TMEFF2: variants seen among roughly 807,000 people sequenced by gnomAD.
TMEFF2 encodes transmembrane protein with EGF like and two follistatin like domains 2, also known as tomoregulin-2.
TMEFF2 carries 28 observed loss-of-function variants against 53.8 expected under a neutral mutation model. That is an observed-to-expected ratio of 0.52 (90% confidence interval 0.39 to 0.71). TMEFF2 has a LOEUF of 0.71. Among genes scored for constraint, TMEFF2 ranks in the 30% least tolerant of loss-of-function variants. The pLI is 0.00. For missense variants in TMEFF2, 353 were observed against 455.2 expected, an observed-to-expected ratio of 0.78 and a Z score of 2.04; for synonymous variants, 162 against 166.3, an observed-to-expected ratio of 0.97 and a Z score of 0.20.
chr2:191,991,285 G>A (rs1686098844), intron 7 of TMEFF2, among the ~76,000 whole-genome samples: 4 of 152,022 alleles, frequency 2.6e-5, no homozygotes, highest in African/African-American at 7.2e-5. Context: ...GTAATTGTAC[G>A]AGTCCATAAA....
intron 4 of TMEFF2, among the ~76,000 whole-genome samples, chr2:192,137,752 C>G (rs1690044696): frequency 6.7e-6 from 1 of 148,638 alleles, no homozygotes; most frequent in Non-Finnish European, 1.5e-5. Context: ...TATATATCTA[C>G]TTATATATAT....
intron 5 of TMEFF2, among the ~76,000 whole-genome samples, chr2:192,006,191 T>C (rs1686497559): frequency 6.6e-6 from 1 of 152,042 alleles, no homozygotes; most frequent in African/African-American, 2.4e-5. Flanking sequence ...CAGGCTCATC[T>C]TGCACGTGGA....
chr2:191,974,476 T>C (rs1193181183), intron 7 of TMEFF2, among the ~76,000 whole-genome samples: 1 of 152,134 alleles, frequency 6.6e-6, no homozygotes, highest in Admixed American at 6.5e-5. Context: ...TATTGGCTTT[T>C]TTGCTATAAA....
intron 5 of TMEFF2, among the ~76,000 whole-genome samples, chr2:192,046,919 T>A (rs1299481436): frequency 6.6e-6 from 1 of 152,040 alleles, no homozygotes; most frequent in East Asian, 1.9e-4. Flanking sequence ...CTGTTTTTTT[T>A]TTTTTAATTT....
chr2:192,152,510 C>T (rs1225200938), intron 4 of TMEFF2, among the ~76,000 whole-genome samples: 1 of 151,896 alleles, frequency 6.6e-6, no homozygotes, highest in African/African-American at 2.4e-5. Flanking sequence ...TAATGAGTGG[C>T]CCCAAGGGGG....
intron 4 of TMEFF2, among the ~76,000 whole-genome samples, chr2:192,070,226 T>C (rs1688264695): frequency 6.6e-6 from 1 of 151,552 alleles, no homozygotes; most frequent in Non-Finnish European, 1.5e-5. Context: ...ATAAAGCATA[T>C]TGGTAACAAT....
At chr2:191,960,339 G>A (rs144036069) in intron 7 of TMEFF2, among the ~76,000 whole-genome samples, 3 of 152,070 alleles carry the variant, frequency 2.0e-5, no homozygotes, top group South Asian at 2.1e-4. Flanking sequence ...AAAATAATTC[G>A]ACTTCTATGT....
At chr2:192,054,876 A>G (rs966446597) in intron 5 of TMEFF2, among the ~76,000 whole-genome samples, 3 of 152,156 alleles carry the variant, frequency 2.0e-5, no homozygotes, top group Admixed American at 2.0e-4. Context: ...TCCTATGGCT[A>G]TTTTGAAGAT....
intron 4 of TMEFF2, among the ~76,000 whole-genome samples, chr2:192,062,870 G>A (rs961751274): frequency 2.0e-5 from 3 of 151,634 alleles, no homozygotes; most frequent in Non-Finnish European, 1.5e-5. Flanking sequence ...GCTGAAAATT[G>A]TTCCCACGTC....
At chr2:192,144,867 A>G (rs1376669828) in intron 4 of TMEFF2, among the ~76,000 whole-genome samples, 1 of 151,970 alleles carries the variant, frequency 6.6e-6, no homozygotes, top group Non-Finnish European at 1.5e-5. Flanking sequence ...CTTCTGATAA[A>G]ATGATTAAAG....
intron 4 of TMEFF2, among the ~76,000 whole-genome samples, chr2:192,124,423 A>T (rs1448737651): frequency 6.6e-6 from 1 of 152,194 alleles, no homozygotes; most frequent in Non-Finnish European, 1.5e-5. Flanking sequence ...TACAGAAGAC[A>T]TTCTAATGGG....
chr2:192,060,391 A>C (rs928466034), intron 4 of TMEFF2, among the ~76,000 whole-genome samples: 1 of 152,166 alleles, frequency 6.6e-6, no homozygotes, highest in African/African-American at 2.4e-5. Flanking sequence ...AAAGAATAGC[A>C]CTGTGTTTTT....
At chr2:192,184,246 A>T (rs1227094518) in intron 3 of TMEFF2, 108 bp downstream of exon 3, 35 of 1,333,928 alleles carry the variant, frequency 2.6e-5, no homozygotes, top group East Asian at 2.1e-4. Flanking sequence ...CGGCTTGTCT[A>T]GTCAACATAT....
intron 8 of TMEFF2, among the ~76,000 whole-genome samples, chr2:191,955,087 G>A (rs1054979948): frequency 1.5e-5 from 2 of 137,480 alleles, no homozygotes; most frequent in African/African-American, 5.4e-5. Context: ...GCCTGTGCTA[G>A]TATATTTTGT....
At chr2:192,060,323 A>G (rs1688014132) in intron 4 of TMEFF2, among the ~76,000 whole-genome samples, 1 of 152,154 alleles carries the variant, frequency 6.6e-6, no homozygotes, top group Non-Finnish European at 1.5e-5. Flanking sequence ...CAGGTTCTGC[A>G]TTTCTTACAA....
At chr2:192,157,989 A>T (rs976129998) in intron 4 of TMEFF2, among the ~76,000 whole-genome samples, 1 of 151,996 alleles carries the variant, frequency 6.6e-6, no homozygotes, top group Non-Finnish European at 1.5e-5. Context: ...TACCTGTTTT[A>T]GTCTACCAGT....
intron 4 of TMEFF2, among the ~76,000 whole-genome samples, chr2:192,109,405 C>T (rs996002461): frequency 3.9e-5 from 6 of 151,958 alleles, no homozygotes; most frequent in African/African-American, 1.2e-4. Flanking sequence ...ATTTCCCATC[C>T]CTTCAAGGTA....
chr2:192,154,224 G>C (rs1690453948), intron 4 of TMEFF2, among the ~76,000 whole-genome samples: 1 of 151,908 alleles, frequency 6.6e-6, no homozygotes, highest in African/African-American at 2.4e-5. Context: ...TCCAGAAGTG[G>C]TGTATGTTTG....
intron 4 of TMEFF2, chr2:192,178,079 T>C (rs1691094563): frequency 6.6e-6 from 1 of 151,032 alleles, no homozygotes; most frequent in African/African-American, 2.4e-5. Flanking sequence ...TCTTTAAAGA[T>C]GCTAGAAAAT....
Sources: gnomAD v4.1 joint callset for allele counts (sites outside exome capture counted in the v4.1 genomes callset) on GRCh38, gnomAD v4.1.1 for gene constraint, MANE v1.5 for transcripts, NCBI Gene and HGNC (gene_info 2026-07-23, HGNC 2026-07-21) for gene names.